The following TRIM55 variants were observed in gnomAD, a reference collection of about 807,000 sequenced individuals.
TRIM55 encodes tripartite motif-containing protein 55.
In TRIM55, 50 loss-of-function variants were observed where a neutral mutation model predicts 60.9. The ratio of observed to expected loss-of-function variants is 0.82; its 90% CI spans 0.65 to 1.04. The LOEUF (loss-of-function observed/expected upper bound fraction) is 1.04. Among genes scored for constraint, TRIM55 ranks in the 50% least tolerant of loss-of-function variants. The pLI is 0.00. For synonymous variants in TRIM55, 237 were observed against 238.1 expected, an observed-to-expected ratio of 1.00 and a Z score of 0.04; for missense variants, 681 against 666.9, an observed-to-expected ratio of 1.02 and a Z score of -0.23.
Position 66,154,146 on chromosome 8 carries a change from T to C in TRIM55, c.1336T>C (p.Tyr446His). The change falls in exon 9 of 10, where the codon TAT becomes CAT. Residue 446 changes from tyrosine to histidine, a missense_variant. Coordinates refer to ENST00000315962, the MANE Select transcript of TRIM55 (RefSeq NM_184085.2). ...TADPLFYPSW[Y>H]KGQTRKATTN... ...GGATCCCTTGTTTTACCCTAGTTGG[T>C]ATAAAGGCCAAACCCGGAAAGCCAC... is the stretch of plus-strand genomic sequence containing the variant. 6.2e-7 allele frequency: 1 copy of C among 1,613,916 alleles called. No homozygotes were observed. The highest frequency in any genetic ancestry group is 1.3e-5 in the African/African-American group (1 of 74,924).
At chr8:66,169,794 C>A (rs1262962453) in intron 9 of TRIM55, among the ~76,000 whole-genome samples, 2 of 152,182 alleles carry the variant, frequency 1.3e-5, no homozygotes, top group African/African-American at 4.8e-5. Flanking sequence ...ATCCAAGGCA[C>A]AACACTGCTT....
chr8:66,123,094 T>C (rs781563046), upstream of TRIM55, among the ~76,000 whole-genome samples: 42 of 152,186 alleles, frequency 2.8e-4, no homozygotes, highest in Non-Finnish European at 5.1e-4. Context: ...ACAAGGGCAT[T>C]GGTCTTCACA....
At chr8:66,170,256 A>G (rs1811548208) in intron 9 of TRIM55, among the ~76,000 whole-genome samples, 1 of 152,172 alleles carries the variant, frequency 6.6e-6, no homozygotes, top group Non-Finnish European at 1.5e-5. Context: ...ACCCTTCCCC[A>G]GCCCCTGGTA....
chr8:66,133,934 A>AAC (rs148139671), intron 2 of TRIM55, among the ~76,000 whole-genome samples: 69 of 151,222 alleles, frequency 4.6e-4, no homozygotes, highest in South Asian at 8.4e-4. Context: ...CACATACACA[A>AAC]ACACACACAC....
chr8:66,158,822 C>A (rs991551599), intron 9 of TRIM55, among the ~76,000 whole-genome samples: 5 of 152,178 alleles, frequency 3.3e-5, no homozygotes, highest in Non-Finnish European at 5.9e-5. Flanking sequence ...AGATTTCTCC[C>A]TAGGCACTCA....
chr8:66,139,348 G>T (rs1441620316), intron 4 of TRIM55, among the ~76,000 whole-genome samples: 1 of 152,168 alleles, frequency 6.6e-6, no homozygotes, highest in Non-Finnish European at 1.5e-5. Context: ...GTCCTGGGGG[G>T]TCCATCTGGG....
chr8:66,120,497 A>G, the TRIM55 span, among the ~76,000 whole-genome samples: 17 of 152,184 alleles, frequency 1.1e-4, no homozygotes, highest in Non-Finnish European at 1.9e-4. Context: ...TGTCAGCCCA[A>G]CCTCCAGGGA....
chr8:66,163,471 T>C (rs1170530489), intron 9 of TRIM55, among the ~76,000 whole-genome samples: 2 of 152,220 alleles, frequency 1.3e-5, no homozygotes, highest in East Asian at 1.9e-4. Context: ...ATGTTGTATT[T>C]TCATTTTTAT....
chr8:66,113,380 A>C, the TRIM55 span: 2 of 389,042 alleles, frequency 5.1e-6, no homozygotes, highest in Non-Finnish European at 1.0e-5. Flanking sequence ...TCGATAGCTC[A>C]GCTGGTAGAG....
chr8:66,118,274 AAAC>A, the TRIM55 span, among the ~76,000 whole-genome samples: 1 of 151,474 alleles, frequency 6.6e-6, no homozygotes, highest in Non-Finnish European at 1.5e-5. Flanking sequence ...TAAAATTTAT[AAAC>A]AACAGATTTG....
the TRIM55 span, among the ~76,000 whole-genome samples, chr8:66,118,258 A>G: frequency 6.7e-6 from 1 of 149,056 alleles, no homozygotes; most frequent in Non-Finnish European, 1.5e-5. Flanking sequence ...GATCTTTATG[A>G]TGAAGTAAAA....
chr8:66,171,828 T>C (rs1382914725), intron 9 of TRIM55, among the ~76,000 whole-genome samples: 1 of 152,228 alleles, frequency 6.6e-6, no homozygotes, highest in Non-Finnish European at 1.5e-5. Context: ...GAGGTAGCCA[T>C]GTATGAAGTT....
the TRIM55 span, among the ~76,000 whole-genome samples, chr8:66,121,531 A>G: frequency 6.6e-6 from 1 of 151,604 alleles, no homozygotes; most frequent in Non-Finnish European, 1.5e-5. Flanking sequence ...TCTTGTACAT[A>G]GTGAACTGTC....
upstream of TRIM55, among the ~76,000 whole-genome samples, chr8:66,125,228 G>A (rs75420204): frequency 0.074 from 11,325 of 152,218 alleles, 660 homozygotes; most frequent in African/African-American, 0.17. Flanking sequence ...AAACTTTCTC[G>A]ATTGAGACCT....
At chr8:66,135,227 G>A (rs1809414358) in intron 3 of TRIM55, 72 bp downstream of exon 3, 1 of 1,546,976 alleles carries the variant, frequency 6.5e-7, no homozygotes, top group Non-Finnish European at 8.9e-7. Context: ...TGGGGCCAGT[G>A]TGAGTGGCTC....
Position 66,149,676 on chromosome 8 carries a change from G to A in TRIM55, c.635G>A (p.Cys212Tyr), listed in dbSNP as rs1810296820. 1 of 1,614,126 alleles carries A rather than the reference G, an allele frequency of 6.2e-7. No homozygotes were observed. Among genetic ancestry groups the A allele is most frequent in the Non-Finnish European group, 8.5e-7 (1 of 1,179,954 alleles). ...TGCAGAAAACAGAAACAAGAGCTTTGTGAGAAGTTTGATTACCTGTATGGC... is the reference window on the plus strand; with the variant it reads ...TGCAGAAAACAGAAACAAGAGCTTTATGAGAAGTTTGATTACCTGTATGGC... Reference protein sequence around the residue: ...ECCRKQKQELCEKFDYLYGIL... With the variant: ...ECCRKQKQELYEKFDYLYGIL... Residue 212 changes from cysteine (C) to tyrosine (Y), a missense_variant, in exon 5 of 10, where the codon TGT becomes TAT. By Grantham distance (194) the Cys-to-Tyr change is radical (BLOSUM62 -2). Coordinates refer to ENST00000315962, the MANE Select transcript of TRIM55 (RefSeq NM_184085.2).
At chr8:66,121,344 G>T in the TRIM55 span, among the ~76,000 whole-genome samples, 1 of 152,240 alleles carries the variant, frequency 6.6e-6, no homozygotes, top group African/African-American at 2.4e-5. Flanking sequence ...CTGTGTAATT[G>T]CTCCCGATCA....
chr8:66,147,699 G>A (rs111597966), intron 4 of TRIM55, among the ~76,000 whole-genome samples: 4,080 of 150,840 alleles, frequency 0.027, 169 homozygotes, highest in African/African-American at 0.093. Context: ...GGAGCCTGAG[G>A]CAGGAGAATC....
rs75467905 is a variant in TRIM55, at chr8:66,153,437, A to G, written c.1237-610A>G. On this transcript the variant is annotated intron_variant, in intron 8 of 9. Coordinates refer to ENST00000315962, the MANE Select transcript of TRIM55 (RefSeq NM_184085.2). ...TTTGCAGGCAGTGCAGACTCATCAG[A>G]GAGGAGTCCTGCTTCTGCAACTGCT... Among the ~76,000 whole-genome samples, 768 of 152,322 alleles carry G rather than the reference A, an allele frequency of 5.0e-3. 8 individuals are homozygous for G. Among genetic ancestry groups the G allele is most frequent in the African/African-American group, 0.018 (749 of 41,576 alleles).
Sources: gnomAD v4.1 joint callset for allele counts (sites outside exome capture counted in the v4.1 genomes callset) on GRCh38, gnomAD v4.1.1 for gene constraint, MANE v1.5 for transcripts, NCBI Gene and HGNC (gene_info 2026-07-23, HGNC 2026-07-21) for gene names.